Variants in NBPF26 observed in about 807,000 individuals in gnomAD.
NBPF26 encodes NBPF family member NBPF26.
In NBPF26, 79 loss-of-function variants were observed where a neutral mutation model predicts 119.6. That is an observed-to-expected ratio of 0.66 (90% confidence interval 0.55 to 0.80). The LOEUF (loss-of-function observed/expected upper bound fraction) is 0.80. Ranked by LOEUF, NBPF26 falls within the 30% of genes least tolerant of loss-of-function variation. The pLI, the probability that NBPF26 is intolerant of heterozygous loss-of-function variation, is 0.00. For missense variants in NBPF26, 800 were observed against 1,198.2 expected (o/e 0.67, Z 4.91); for synonymous variants, 299 against 457.7 (o/e 0.65, Z 4.43).
chr1:120,813,233 C>T (rs1651918604), intron 10 of NBPF26, among the ~76,000 whole-genome samples: 1 of 123,314 alleles, frequency 8.1e-6, no homozygotes, highest in Admixed American at 7.6e-5. Flanking sequence ...TGAGCTATTT[C>T]TTGTCAATCT....
chr1:120,776,041 G>A lies in NBPF26; in HGVS notation c.156-8933G>A, dbSNP rs1185919682. Among the ~76,000 whole-genome samples the A allele has an allele frequency of 1.8e-5, 2 of 110,340 alleles. 1 individual carries two copies. Among genetic ancestry groups the A allele is most frequent in the East Asian group, 4.3e-4 (2 of 4,600 alleles). 72.4% of individuals were successfully genotyped at this position (110,340 alleles called of 152,430 possible). On this transcript the variant is annotated intron_variant, in intron 2 of 29. Coordinates refer to ENST00000620612, the Ensembl canonical transcript of NBPF26. The stretch of plus-strand genomic sequence containing the variant: ...CAACCCAGTTGTTCCCAAACTTCAA[G>A]TGTATTTATAGGGTCTTTTTAAGGG...
chr1:120,822,046 G>C lies in NBPF26; in HGVS notation c.2424-58G>C. 2.8e-6 allele frequency: 4 copies of C among 1,446,814 alleles called. 1 individual carries two copies. The highest frequency in any genetic ancestry group is 3.7e-6 in the Non-Finnish European group (4 of 1,082,084). The allele number at this position is 1,446,814 out of a possible 1,614,324, so 89.6% of individuals were successfully genotyped here. On this transcript the variant is annotated intron_variant, in intron 15 of 29. Transcript: ENST00000620612. ...CCCATCAGATCATCTGGGAGGTTTT[G>C]TTGTCTAAAGTCTGTTGGTTAAATC...
At position 120,792,506 on chromosome 1, in the gene NBPF26, AT is replaced by A. The variant is rs1281049564; in HGVS notation, c.416-642del. Among the ~76,000 whole-genome samples the A allele has an allele frequency of 1.4e-3, 146 of 101,324 alleles. 5 individuals carry two copies. Among genetic ancestry groups the A allele is most frequent in the Admixed American group, 1.5e-3 (16 of 10,518 alleles). The allele number at this position is 101,324 out of a possible 152,430, so 66.5% of individuals were successfully genotyped here. On this transcript the variant is annotated intron_variant, in intron 3 of 29. Transcript: ENST00000620612. ...CACTAGGAAAACAGAAGGGAAGTTG[AT>A]TTTTTTTTTTTTGAAATAGAGTCTT...
intron 4 of NBPF26, among the ~76,000 whole-genome samples, chr1:120,794,273 A>T (rs1651530992): frequency 9.0e-6 from 1 of 110,994 alleles, no homozygotes; most frequent in Admixed American, 8.8e-5. Flanking sequence ...TTCCATGGAG[A>T]GGGAGAAAGG....
At chr1:120,751,376 G>A in intron 1 of NBPF26, among the ~76,000 whole-genome samples, 1 of 11,964 alleles carries the variant, frequency 8.4e-5, no homozygotes, top group East Asian at 3.9e-3. Flanking sequence ...CTCGGAGGAA[G>A]ATAGAAAACT....
At chr1:120,820,489 T>TAC (rs1652111101) in intron 15 of NBPF26, among the ~76,000 whole-genome samples, 6 of 23,484 alleles carry the variant, frequency 2.6e-4, no homozygotes, top group African/African-American at 6.0e-4. Context: ...TATATATATA[T>TAC]ACATACACAC....
At chr1:120,760,338 G>C in intron 1 of NBPF26, among the ~76,000 whole-genome samples, 1 of 103,070 alleles carries the variant, frequency 9.7e-6, no homozygotes, top group Non-Finnish European at 1.8e-5. Context: ...CTGGCGTGCT[G>C]TAATTTTTGT....
intron 10 of NBPF26, among the ~76,000 whole-genome samples, chr1:120,812,682 T>C (rs2101511958): frequency 1.4e-5 from 1 of 69,112 alleles, no homozygotes; most frequent in South Asian, 4.6e-4. Context: ...CCCAGCACTT[T>C]GGGAGGCTGA....
chr1:120,819,604 G>T, intron 15 of NBPF26, among the ~76,000 whole-genome samples: 1 of 103,976 alleles, frequency 9.6e-6, no homozygotes, highest in Admixed American at 9.6e-5. Flanking sequence ...GCATGTTTTT[G>T]CAGTGGCTGG....
chr1:120,768,132 A>G (rs1286772159), intron 2 of NBPF26, among the ~76,000 whole-genome samples: 1 of 107,078 alleles, frequency 9.3e-6, no homozygotes, highest in Non-Finnish European at 1.7e-5. Context: ...AGGTTTTAGG[A>G]CACGTTAGGG....
Position 120,814,707 on chromosome 1 carries a change from A to G in NBPF26, c.1878-122A>G, listed in dbSNP as rs1353881293. The stretch of plus-strand genomic sequence containing the variant: ...CTTGGCCACAGACATTCCTTTAAAC[A>G]TGTGCTGACCTTCTGCTTCGAGGTC... On this transcript the variant is annotated intron_variant, in intron 11 of 29. Coordinates refer to ENST00000620612, the Ensembl canonical transcript of NBPF26. The G allele has an allele frequency of 3.1e-5, 20 of 643,408 alleles. 1 individual carries two copies. Among genetic ancestry groups the G allele is most frequent in the Middle Eastern group, 4.0e-4 (1 of 2,486 alleles). 39.9% of individuals were successfully genotyped at this position (643,408 alleles called of 1,614,324 possible).
At position 120,813,252 on chromosome 1, in the gene NBPF26, A is replaced by G. The variant is rs1553271247; in HGVS notation, c.1775-639A>G. Among the ~76,000 whole-genome samples the G allele has an allele frequency of 2.6e-3, 309 of 120,858 alleles. 1 individual carries two copies. The highest frequency in any genetic ancestry group is 0.01 in the African/African-American group (232 of 22,390). The allele number at this position is 120,858 out of a possible 152,430, so 79.3% of individuals were successfully genotyped here. ...CTATTTCTTGTCAATCTCCTAGAAC[A>G]TTTATTGGCACAGAGTAAACACTAT... On this transcript the variant is annotated intron_variant, in intron 10 of 29. Transcript: ENST00000620612.
Position 120,806,588 on chromosome 1 carries a change from T to C in NBPF26, c.961+823T>C, listed in dbSNP as rs1346695604. On this transcript the variant is annotated intron_variant, in intron 5 of 29. Coordinates refer to ENST00000620612, the Ensembl canonical transcript of NBPF26. ...AGCATGGGTGACAGGGCAAGACTCGTCAAAAAACAAACAAACAAAACGATA... is the reference window on the plus strand; with the variant it reads ...AGCATGGGTGACAGGGCAAGACTCGCCAAAAAACAAACAAACAAAACGATA... Among the ~76,000 whole-genome samples the C allele has an allele frequency of 1.6e-5, 2 of 124,604 alleles. 1 individual carries two copies. The highest frequency in any genetic ancestry group is 3.3e-5 in the Non-Finnish European group (2 of 61,226). The allele number at this position is 124,604 out of a possible 152,430, so 81.7% of individuals were successfully genotyped here. A position where few individuals can be genotyped will look rare whatever the true frequency, so the allele number is the denominator to read the frequency against.
chr1:120,825,295 T>A (rs1652238101), intron 18 of NBPF26, among the ~76,000 whole-genome samples: 1 of 121,442 alleles, frequency 8.2e-6, no homozygotes, highest in Non-Finnish European at 1.6e-5. Flanking sequence ...TGAGCTCACT[T>A]TCTCCTCTCT....
At position 120,770,249 on chromosome 1, in the gene NBPF26, A is replaced by C. The variant is rs1383221850; in HGVS notation, c.155+6540A>C. 4.8e-5 allele frequency among the ~76,000 whole-genome samples: 5 copies of C among 103,832 alleles called. 1 individual carries two copies. The highest frequency in any genetic ancestry group is 8.9e-5 in the Non-Finnish European group (5 of 55,928). 68.1% of individuals were successfully genotyped at this position (103,832 alleles called of 152,430 possible). ...CAGTGGCGCTTTCTTGGCTCACTGC[A>C]AGCTCCGCCTCCCGGGTTCATGCCA... On this transcript the variant is annotated intron_variant, in intron 2 of 29. Transcript: ENST00000620612.
chr1:120,755,916 C>T lies in NBPF26; in HGVS notation c.74-7712C>T, dbSNP rs1295679913. 2.2e-5 allele frequency among the ~76,000 whole-genome samples: 2 copies of T among 88,950 alleles called. 1 individual carries two copies. Among genetic ancestry groups the T allele is most frequent in the African/African-American group, 1.6e-4 (2 of 12,536 alleles). 58.4% of individuals were successfully genotyped at this position (88,950 alleles called of 152,430 possible). ...TGGAACACTATTAGGAAAACAAAAT[C>T]GATTTATCTCTTATTGCTTTTTTTT... On this transcript the variant is annotated intron_variant, in intron 1 of 29. Transcript: ENST00000620612.
chr1:120,822,095 G>A lies in NBPF26; in HGVS notation c.2424-9G>A. 6.9e-7 allele frequency: 1 copy of A among 1,446,134 alleles called. No homozygotes were observed. The highest frequency in any genetic ancestry group is 9.2e-7 in the Non-Finnish European group (1 of 1,081,508). 89.6% of individuals were successfully genotyped at this position (1,446,134 alleles called of 1,614,324 possible). On this transcript the variant is annotated splice_polypyrimidine_tract_variant and intron_variant, in intron 15 of 29. Coordinates refer to ENST00000620612, the Ensembl canonical transcript of NBPF26. ...TCTTCTGTCATCCCTGTCCTGCCTG[G>A]CTCATCAGGAATCTGCAGGAGTCTG...
At position 120,788,040 on chromosome 1, in the gene NBPF26, T is replaced by C. The variant is rs1349076463; in HGVS notation, c.415+2807T>C. On this transcript the variant is annotated intron_variant, in intron 3 of 29. Coordinates refer to ENST00000620612, the Ensembl canonical transcript of NBPF26. ...GGTTGTGTTTTTTTTTTTTTCCTGA[T>C]GGAGAGGCCCAAACCTTCATTCATC... Among the ~76,000 whole-genome samples, 2 of 74,582 alleles carry C rather than the reference T, an allele frequency of 2.7e-5. 1 individual carries two copies. The highest frequency in any genetic ancestry group is 4.6e-5 in the Non-Finnish European group (2 of 43,096). 48.9% of individuals were successfully genotyped at this position (74,582 alleles called of 152,430 possible). A position where few individuals can be genotyped will look rare whatever the true frequency, so the allele number is the denominator to read the frequency against.
intron 17 of NBPF26, 60 bp from the exon 18 acceptor site, chr1:120,823,914 T>A: frequency 2.0e-6 from 1 of 496,408 alleles, no homozygotes; most frequent in Non-Finnish European, 3.6e-6. Context: ...GAAATCTAGC[T>A]GGGGCTGTGT....
Sources: allele counts gnomAD v4.1 joint callset (sites outside exome capture counted in the v4.1 genomes callset), GRCh38; gene constraint gnomAD v4.1.1; transcripts MANE v1.5; gene names NCBI Gene and HGNC (gene_info 2026-07-23, HGNC 2026-07-21).